Variants in SNX18 observed in about 807,000 individuals in gnomAD.
SNX18 encodes sorting nexin 18.
A neutral mutation model predicts 48.7 loss-of-function variants in SNX18; 35 were observed. The ratio of observed to expected loss-of-function variants is 0.72; its 90% CI spans 0.55 to 0.95. The LOEUF (loss-of-function observed/expected upper bound fraction) is 0.95, where lower values mean the gene tolerates loss of function less well. Ranked by LOEUF, SNX18 falls within the 40% of genes least tolerant of loss-of-function variation. The pLI, the probability that SNX18 is intolerant of heterozygous loss-of-function variation, is 0.00. For missense variants in SNX18, 824 were observed against 871.0 expected (o/e 0.95, Z 0.68); for synonymous variants, 492 against 384.7 (o/e 1.28, Z -3.26).
the SNX18 span, among the ~76,000 whole-genome samples, chr5:54,559,041 G>A: frequency 6.6e-6 from 1 of 151,508 alleles, no homozygotes; most frequent in African/African-American, 2.4e-5. Context: ...GCTCTACAAG[G>A]AGAACTGTTA....
the SNX18 span, among the ~76,000 whole-genome samples, chr5:54,613,794 G>A: frequency 6.6e-6 from 1 of 152,120 alleles, no homozygotes. Flanking sequence ...CGCCTCCTGG[G>A]TTCAAGTGAT....
At chr5:54,564,161 G>A in the SNX18 span, among the ~76,000 whole-genome samples, 1 of 152,078 alleles carries the variant, frequency 6.6e-6, no homozygotes, top group Non-Finnish European at 1.5e-5. Flanking sequence ...AGCTACTTGG[G>A]AGACTGAGGC....
the SNX18 span, among the ~76,000 whole-genome samples, chr5:54,624,357 G>A: frequency 6.6e-6 from 1 of 152,146 alleles, no homozygotes; most frequent in African/African-American, 2.4e-5. Context: ...TCATTAGCAA[G>A]CCACAGTCTC....
chr5:54,616,642 G>A, the SNX18 span, among the ~76,000 whole-genome samples: 430 of 152,054 alleles, frequency 2.8e-3, 1 homozygote, highest in African/African-American at 9.5e-3. Flanking sequence ...AGTGGCAGGC[G>A]CCTGTAATCT....
intron 1 of SNX18, among the ~76,000 whole-genome samples, chr5:54,527,836 T>A (rs1214112566): frequency 6.6e-6 from 1 of 152,228 alleles, no homozygotes; most frequent in Non-Finnish European, 1.5e-5. Flanking sequence ...AGCTACTTGG[T>A]TGATCTTGAA....
chr5:54,575,041 C>T, the SNX18 span, among the ~76,000 whole-genome samples: 1 of 152,102 alleles, frequency 6.6e-6, no homozygotes, highest in Non-Finnish European at 1.5e-5. Flanking sequence ...CTTGCCACTT[C>T]CTGTCAACCT....
intron 1 of SNX18, among the ~76,000 whole-genome samples, chr5:54,530,187 G>A (rs545558823): frequency 2.0e-5 from 3 of 152,320 alleles, no homozygotes; most frequent in African/African-American, 7.2e-5. Flanking sequence ...CGTTGTCCTA[G>A]ATTTAGGGCA....
chr5:54,624,653 A>C, the SNX18 span, among the ~76,000 whole-genome samples: 1 of 152,226 alleles, frequency 6.6e-6, no homozygotes, highest in Non-Finnish European at 1.5e-5. Flanking sequence ...ACCGTGGCAA[A>C]AGGTTCATGG....
At position 54,544,007 on chromosome 5, in the gene SNX18, T is replaced by C. The variant is rs1353090602; in HGVS notation, c.*575T>C. The C allele has an allele frequency of 7.7e-6, 1 of 129,576 alleles. No individual in the cohort carries two copies. Among genetic ancestry groups the C allele is most frequent in the Non-Finnish European group, 1.5e-5 (1 of 64,686 alleles). The allele number at this position is 129,576 out of a possible 1,614,324, so 8.0% of individuals were successfully genotyped here. On this transcript the variant is annotated 3_prime_UTR_variant, in exon 2 of 2. Transcript: ENST00000381410. ...GCCAGTGCATATAATGACAAACTGA[T>C]GATAACCTTATATTGGCAGTAGGGG...
chr5:54,539,706 A>T (rs971236454), intron 1 of SNX18, among the ~76,000 whole-genome samples: 9 of 152,066 alleles, frequency 5.9e-5, no homozygotes, highest in African/African-American at 1.7e-4. Context: ...CTTTCCATAA[A>T]TGTTCACGTT....
chr5:54,591,178 T>TG, the SNX18 span, among the ~76,000 whole-genome samples: 1 of 151,774 alleles, frequency 6.6e-6, no homozygotes, highest in Non-Finnish European at 1.5e-5. Flanking sequence ...GGTTTTTTTT[T>TG]TGTTTTGTTT....
the SNX18 span, among the ~76,000 whole-genome samples, chr5:54,583,593 C>T: frequency 1.3e-5 from 2 of 152,212 alleles, no homozygotes; most frequent in Admixed American, 6.5e-5. Flanking sequence ...AGTCGTGTGG[C>T]ATTGGACAAG....
At position 54,518,875 on chromosome 5, in the gene SNX18, C is replaced by G. The variant is rs141392594; in HGVS notation, c.923C>G (p.Pro308Arg). The G allele has an allele frequency of 1.4e-5, 22 of 1,613,660 alleles. No homozygotes were observed. The highest frequency in any genetic ancestry group is 3.3e-5 in the Admixed American group (2 of 60,012). The change falls in exon 1 of 2, where the codon CCG becomes CGG. Residue 308 changes from proline (P) to arginine (R), a missense_variant. This residue lies in a region of SNX18 where 443 missense variants were observed against 503.6 expected (regional missense o/e 0.88). Coordinates refer to ENST00000381410, the MANE Select transcript of SNX18 (RefSeq NM_001102575.2). ...YKLVPTHTQV[P>R]VHRRYKHFDW... ...CTGGTGCCCACGCACACGCAGGTGC[C>G]GGTGCATCGGCGCTACAAGCACTTC...
At chr5:54,631,968 G>A in the SNX18 span, among the ~76,000 whole-genome samples, 1 of 152,194 alleles carries the variant, frequency 6.6e-6, no homozygotes, top group Admixed American at 6.5e-5. Context: ...CAGGGACAAG[G>A]AGAACTGTAC....
chr5:54,581,737 G>A, the SNX18 span, among the ~76,000 whole-genome samples: 1 of 152,230 alleles, frequency 6.6e-6, no homozygotes, highest in Non-Finnish European at 1.5e-5. Context: ...TGTCCAGATA[G>A]AGCCTCCCTC....
the SNX18 span, among the ~76,000 whole-genome samples, chr5:54,553,168 C>T: frequency 6.6e-6 from 1 of 152,086 alleles, no homozygotes; most frequent in Non-Finnish European, 1.5e-5. Flanking sequence ...AGGACTTTGG[C>T]TTTTTCTCTG....
chr5:54,592,858 T>G, the SNX18 span, among the ~76,000 whole-genome samples: 1 of 152,224 alleles, frequency 6.6e-6, no homozygotes, highest in Non-Finnish European at 1.5e-5. Flanking sequence ...TGGAGTGCAG[T>G]GGAGCAATCT....
In SNX18 at chr5:54,518,284, A is replaced by T. The variant is rs1183481972; in HGVS notation, c.332A>T (p.Gln111Leu). 2.7e-6 allele frequency: 4 copies of T among 1,502,696 alleles called. No individual in the cohort carries two copies. In the African/African-American group the frequency reaches 4.4e-5, roughly 16 times the overall value. The allele number at this position is 1,502,696 out of a possible 1,614,324, so 93.1% of individuals were successfully genotyped here. The change falls in exon 1 of 2, where the codon CAG becomes CTG. Residue 111 changes from glutamine (Q) to leucine (L), a missense_variant. Transcript: ENST00000381410. The part of the protein sequence containing the change: ...PDAFQALLQP[Q>L]QAPPPSTFQP... ...GCCTTCCAGGCGCTGCTGCAGCCAC[A>T]GCAGGCGCCGCCTCCGAGCACCTTC...
At chr5:54,520,102 T>G in intron 1 of SNX18, 1 of 393,316 alleles carries the variant, frequency 2.5e-6, no homozygotes, top group Non-Finnish European at 4.8e-6. Context: ...CTGCAAAGAA[T>G]TCTTGCCTGC....
Sources: gnomAD v4.1 joint callset for allele counts (sites outside exome capture counted in the v4.1 genomes callset) on GRCh38, gnomAD v4.1.1 for gene constraint, gnomAD v4.1.1 regional missense constraint, MANE v1.5 for transcripts, NCBI Gene and HGNC (gene_info 2026-07-23, HGNC 2026-07-21) for gene names.